The following SERINC5 variants were observed in gnomAD, a reference collection of about 807,000 sequenced individuals.
SERINC5 encodes chromosome 5 open reading frame 12.
SERINC5 carries 41 observed loss-of-function variants against 63.1 expected under a neutral mutation model. That is an observed-to-expected ratio of 0.65 (90% CI 0.51 to 0.84). The LOEUF (loss-of-function observed/expected upper bound fraction) is 0.84. Ranked by LOEUF, SERINC5 falls within the 40% of genes least tolerant of loss-of-function variation. The pLI is 0.00. For missense variants in SERINC5, 523 were observed against 573.0 expected (o/e 0.91, Z 0.89); for synonymous variants, 222 against 215.2 (o/e 1.03, Z -0.28).
chr5:80,233,816 T>TC (rs1561446238), intron 1 of SERINC5, among the ~76,000 whole-genome samples: 14 of 140,428 alleles, frequency 1.0e-4, no homozygotes, highest in African/African-American at 3.2e-4. Context: ...TTTTTTTTTT[T>TC]TTTTTTTTTT....
downstream of SERINC5, among the ~76,000 whole-genome samples, chr5:80,136,251 C>A (rs1244611984): frequency 1.3e-5 from 2 of 151,488 alleles, no homozygotes; most frequent in East Asian, 3.9e-4. Context: ...CCACTACACT[C>A]CAGCCTAGGC....
intron 1 of SERINC5, among the ~76,000 whole-genome samples, chr5:80,230,556 T>C (rs1289540252): frequency 1.3e-5 from 2 of 149,452 alleles, no homozygotes; most frequent in Non-Finnish European, 3.0e-5. Flanking sequence ...AAACAAATAA[T>C]AATGCAACAA....
chr5:80,251,666 G>C (rs1449471438), intron 1 of SERINC5, among the ~76,000 whole-genome samples: 5 of 151,030 alleles, frequency 3.3e-5, no homozygotes, highest in African/African-American at 1.2e-4. Flanking sequence ...GGAGGCGGAG[G>C]TTGCAGGGAG....
intron 1 of SERINC5, among the ~76,000 whole-genome samples, chr5:80,209,905 A>G (rs1750352084): frequency 6.6e-6 from 1 of 151,662 alleles, no homozygotes; most frequent in African/African-American, 2.4e-5. Context: ...AAAATTAGCC[A>G]GGCATGGTGG....
chr5:80,183,752 C>A lies in SERINC5; in HGVS notation c.196-5688G>T, dbSNP rs1321565552. On this transcript the variant is annotated intron_variant, in intron 2 of 11. Coordinates refer to ENST00000507668, the MANE Select transcript of SERINC5 (RefSeq NM_001174072.3). The stretch of plus-strand genomic sequence containing the variant: ...CCCCTTTGACTGTAATTTTCCATTA[C>A]CTTCCTAAATCCTATAAAACGGCCC... Among the ~76,000 whole-genome samples the A allele has an allele frequency of 9.9e-5, 15 of 152,150 alleles. No homozygotes were observed. The East Asian group carries it at 2.9e-3, about 29-fold the overall frequency.
intron 1 of SERINC5, among the ~76,000 whole-genome samples, chr5:80,228,366 G>C (rs1480053326): frequency 6.6e-6 from 1 of 152,040 alleles, no homozygotes; most frequent in Non-Finnish European, 1.5e-5. Context: ...GCATAAAACA[G>C]AGTGAAAACT....
chr5:80,160,229 T>C (rs985311824), intron 7 of SERINC5, among the ~76,000 whole-genome samples: 2 of 152,228 alleles, frequency 1.3e-5, no homozygotes, highest in African/African-American at 4.8e-5. Flanking sequence ...AATCTCCACT[T>C]ATTTTAGTGT....
intron 2 of SERINC5, among the ~76,000 whole-genome samples, chr5:80,186,012 T>C (rs543352322): frequency 1.1e-4 from 16 of 150,640 alleles, no homozygotes; most frequent in Non-Finnish European, 1.3e-4. Flanking sequence ...CACAAACTAA[T>C]GCATTCCGAT....
At chr5:80,160,081 G>T (rs1286748869) in intron 7 of SERINC5, among the ~76,000 whole-genome samples, 1 of 152,166 alleles carries the variant, frequency 6.6e-6, no homozygotes, top group African/African-American at 2.4e-5. Flanking sequence ...CCGGACTTGT[G>T]ACCAGTGGGA....
intron 5 of SERINC5, among the ~76,000 whole-genome samples, chr5:80,173,992 C>T (rs958798555): frequency 2.6e-5 from 4 of 151,934 alleles, no homozygotes; most frequent in African/African-American, 7.3e-5. Context: ...AAAGAACACA[C>T]CAGTTAGTCC....
intron 11 of SERINC5, among the ~76,000 whole-genome samples, chr5:80,117,135 G>A (rs1254950514): frequency 1.3e-5 from 2 of 151,862 alleles, no homozygotes; most frequent in African/African-American, 4.8e-5. Flanking sequence ...CTGGCCCAGA[G>A]CTCTTAACTA....
intron 1 of SERINC5, among the ~76,000 whole-genome samples, chr5:80,207,947 T>C (rs1750251810): frequency 6.6e-6 from 1 of 152,130 alleles, no homozygotes; most frequent in African/African-American, 2.4e-5. Flanking sequence ...GAGCATACCT[T>C]TGAATAAAAT....
At chr5:80,222,665 T>C (rs948802441) in intron 1 of SERINC5, among the ~76,000 whole-genome samples, 9 of 151,912 alleles carry the variant, frequency 5.9e-5, no homozygotes, top group Non-Finnish European at 1.2e-4. Context: ...CTCTGGCTCC[T>C]GGGTTCAAGC....
intron 1 of SERINC5, among the ~76,000 whole-genome samples, chr5:80,254,635 T>C (rs1363806870): frequency 6.6e-6 from 1 of 152,164 alleles, no homozygotes; most frequent in African/African-American, 2.4e-5. Context: ...CTGAAAACAG[T>C]CTTTCCTGGT....
At chr5:80,240,707 C>T (rs1222982279) in intron 1 of SERINC5, among the ~76,000 whole-genome samples, 4 of 152,170 alleles carry the variant, frequency 2.6e-5, no homozygotes, top group African/African-American at 9.7e-5. Context: ...CTCTGCTGCC[C>T]AGGCTGGAGT....
rs748886292 is a variant in SERINC5, at chr5:80,142,199, C to T, written c.*1464G>A. ...AGTAAACCTTTTCCCTGCCTGAATA[C>T]ATCAACACTGAAAATAGGCATCATC... is the stretch of plus-strand genomic sequence containing the variant. On this transcript the variant is annotated 3_prime_UTR_variant, in exon 12 of 12. Transcript: ENST00000507668. 80 of 985,296 alleles carry T rather than the reference C, an allele frequency of 8.1e-5. No homozygotes were observed. The highest frequency in any genetic ancestry group is 9.6e-5 in the Non-Finnish European group (80 of 829,932). 61.0% of individuals were successfully genotyped at this position (985,296 alleles called of 1,614,324 possible). A position where few individuals can be genotyped will look rare whatever the true frequency, so the allele number is the denominator to read the frequency against.
chr5:80,255,072 A>G (rs1159248206), intron 1 of SERINC5: 3 of 152,264 alleles, frequency 2.0e-5, no homozygotes, highest in African/African-American at 7.2e-5. Context: ...TCCACATCCA[A>G]GAGACTCACC....
intron 7 of SERINC5, among the ~76,000 whole-genome samples, chr5:80,163,047 G>T (rs941576670): frequency 1.3e-4 from 19 of 151,678 alleles, no homozygotes; most frequent in African/African-American, 4.6e-4. Flanking sequence ...TAGACACGAG[G>T]TCTCACCATG....
In SERINC5 at chr5:80,139,960, C is replaced by G; in HGVS notation, c.*3703G>C. The G allele has an allele frequency of 1.0e-6, 1 of 985,340 alleles. No individual in the cohort carries two copies. The highest frequency in any genetic ancestry group is 4.7e-5 in the South Asian group (1 of 21,282). The allele number at this position is 985,340 out of a possible 1,614,324, so 61.0% of individuals were successfully genotyped here. A position where few individuals can be genotyped will look rare whatever the true frequency, so the allele number is the denominator to read the frequency against. On this transcript the variant is annotated 3_prime_UTR_variant, in exon 12 of 12. Coordinates refer to ENST00000507668, the MANE Select transcript of SERINC5 (RefSeq NM_001174072.3). ...TGTAAAAGCCTAGGTAGCTTAAATACAGGCTCTGGAATTTCCTTCGCAGGA... is the reference window on the plus strand; with the variant it reads ...TGTAAAAGCCTAGGTAGCTTAAATAGAGGCTCTGGAATTTCCTTCGCAGGA...
Sources: allele counts gnomAD v4.1 joint callset (sites outside exome capture counted in the v4.1 genomes callset), GRCh38; gene constraint gnomAD v4.1.1; transcripts MANE v1.5; gene names NCBI Gene and HGNC (gene_info 2026-07-23, HGNC 2026-07-21).